Variants in BCAS3 observed in about 807,000 individuals in gnomAD.
The protein encoded by BCAS3 is BCAS3 microtubule associated cell migration factor.
In BCAS3, 53 loss-of-function variants were observed where a neutral mutation model predicts 116.1. That is an observed-to-expected ratio of 0.46 (90% CI 0.37 to 0.57). The LOEUF (loss-of-function observed/expected upper bound fraction) is 0.57, where lower values mean the gene tolerates loss of function less well. Ranked by LOEUF, BCAS3 falls within the 20% of genes least tolerant of loss-of-function variation. The pLI is 0.00. For synonymous variants in BCAS3, 391 were observed against 408.2 expected, an observed-to-expected ratio of 0.96 and a Z score of 0.51; for missense variants, 917 against 1,165.4, an observed-to-expected ratio of 0.79 and a Z score of 3.10.
chr17:61,027,422 A>G (rs1280493173), intron 16 of BCAS3: 1 of 439,244 alleles, frequency 2.3e-6, no homozygotes, highest in Admixed American at 2.5e-5. Flanking sequence ...GACAAAATAT[A>G]TATTTTACAT....
At position 61,026,392 on chromosome 17, in the gene BCAS3, C is replaced by T. The variant is rs1047201942; in HGVS notation, c.1638-8274C>T. On this transcript the variant is annotated intron_variant, in intron 16 of 23. Transcript: ENST00000407086. This position sits in a 1 kb window ranked among gnomAD's most constrained non-coding sequence, Gnocchi z 5.0. ...AATAAGCAGCTTGAAAAATATGTGC[C>T]TCTTTCTGTGGTTCTGAGACTGGAA... Among the ~76,000 whole-genome samples the T allele has an allele frequency of 1.3e-5, 2 of 152,028 alleles. No individual in the cohort carries two copies. Among genetic ancestry groups the T allele is most frequent in the Non-Finnish European group, 2.9e-5 (2 of 67,942 alleles).
At chr17:60,781,770 C>T (rs557546159) in intron 6 of BCAS3, among the ~76,000 whole-genome samples, 2 of 152,032 alleles carry the variant, frequency 1.3e-5, no homozygotes, top group African/African-American at 4.8e-5. Flanking sequence ...ATTTCTTTAC[C>T]TATTTTTCAT....
intron 4 of BCAS3, 67 bp from the exon 5 acceptor site, chr17:60,709,152 A>C: frequency 1.3e-6 from 1 of 763,518 alleles, no homozygotes. Context: ...TTAAAGAAAT[A>C]CAGTTGTTTT....
chr17:61,195,437 G>T (rs2080420148), intron 22 of BCAS3, among the ~76,000 whole-genome samples: 8 of 152,168 alleles, frequency 5.3e-5, no homozygotes. Context: ...ATGGCTCACT[G>T]CAGCCTCAAC....
chr17:60,827,298 AG>A (rs1303375198), intron 7 of BCAS3, among the ~76,000 whole-genome samples: 1 of 152,208 alleles, frequency 6.6e-6, no homozygotes, highest in Non-Finnish European at 1.5e-5. Context: ...GAAGGTATTA[AG>A]GATAGTTAGA....
rs1401217771 is a variant in BCAS3, at chr17:61,300,297, C to G, written c.2426-68030C>G. Among the ~76,000 whole-genome samples the G allele has an allele frequency of 1.3e-5, 2 of 152,080 alleles. No homozygotes were observed. Among genetic ancestry groups the G allele is most frequent in the Admixed American group, 6.5e-5 (1 of 15,268 alleles). ...TCGTAGAGCTTTGACCTTGATGAAGCACAGAGAAGTGTCTGGTCCCCATGC... is the reference window on the plus strand; with the variant it reads ...TCGTAGAGCTTTGACCTTGATGAAGGACAGAGAAGTGTCTGGTCCCCATGC... On this transcript the variant is annotated intron_variant, in intron 22 of 23. Coordinates refer to ENST00000407086, the MANE Select transcript of BCAS3 (RefSeq NM_017679.5). This position sits in a 1 kb window ranked among gnomAD's most constrained non-coding sequence, Gnocchi z 5.1.
rs1236402620 is a variant in BCAS3 at position 61,019,804 on chromosome 17, C to A, written c.1637+3903C>A. Among the ~76,000 whole-genome samples the A allele has an allele frequency of 6.6e-6, 1 of 152,092 alleles. No homozygotes were observed. Among genetic ancestry groups the A allele is most frequent in the Non-Finnish European group, 1.5e-5 (1 of 68,012 alleles). On this transcript the variant is annotated intron_variant, in intron 16 of 23. Coordinates refer to ENST00000407086, the MANE Select transcript of BCAS3 (RefSeq NM_017679.5). This position sits in a 1 kb window ranked among gnomAD's most constrained non-coding sequence, Gnocchi z 5.6. ...AATCTGATGGCTCCATTAACGTCACCAGGGTGATGAGCACATGAGAGTTTT... is the reference window on the plus strand; with the variant it reads ...AATCTGATGGCTCCATTAACGTCACAAGGGTGATGAGCACATGAGAGTTTT...
chr17:61,147,515 A>T (rs1324151438), intron 22 of BCAS3, among the ~76,000 whole-genome samples: 1 of 152,136 alleles, frequency 6.6e-6, no homozygotes, highest in East Asian at 1.9e-4. Flanking sequence ...GCACCATTGT[A>T]CCTGGGCCAA....
intron 13 of BCAS3, among the ~76,000 whole-genome samples, chr17:60,937,820 C>G (rs372656258): frequency 9.2e-5 from 14 of 152,284 alleles, no homozygotes; most frequent in African/African-American, 3.1e-4. Context: ...GCACTTCCAG[C>G]AATTATTGTC....
In BCAS3 at chr17:61,136,785, C is replaced by G. The variant is rs1432272185; in HGVS notation, c.2425+52221C>G. Among the ~76,000 whole-genome samples the G allele has an allele frequency of 6.6e-6, 1 of 152,120 alleles. No individual in the cohort carries two copies. Among genetic ancestry groups the G allele is most frequent in the Non-Finnish European group, 1.5e-5 (1 of 68,020 alleles). On this transcript the variant is annotated intron_variant, in intron 22 of 23. Transcript: ENST00000407086. The surrounding 1 kb of genome is among the most constrained non-coding windows in gnomAD (Gnocchi z 4.4). Reference sequence around the variant, plus strand: ...TGTTGCCCAGGCTGGTCTCAAATTCCTGGCCTCAAGTGATCCACCCACCTC... The same window carrying G: ...TGTTGCCCAGGCTGGTCTCAAATTCGTGGCCTCAAGTGATCCACCCACCTC...
rs1185487921 is a variant in BCAS3 at position 61,343,164 on chromosome 17, GC to G, written c.2426-25161del. On this transcript the variant is annotated intron_variant, in intron 22 of 23. Coordinates refer to ENST00000407086, the MANE Select transcript of BCAS3 (RefSeq NM_017679.5). This position sits in a 1 kb window ranked among gnomAD's most constrained non-coding sequence, Gnocchi z 5.5. ...AATTCGTGGAGGGGTGGCACCAAAT[GC>G]CTCTATCATCCCTCTCTGCCATGGC... Among the ~76,000 whole-genome samples the G allele has an allele frequency of 6.6e-6, 1 of 152,188 alleles. No individual in the cohort carries two copies. Among genetic ancestry groups the G allele is most frequent in the East Asian group, 1.9e-4 (1 of 5,200 alleles).
In BCAS3 at chr17:61,031,221, G is replaced by T. The variant is rs151184066; in HGVS notation, c.1638-3445G>T. Among the ~76,000 whole-genome samples the T allele has an allele frequency of 2.4e-3, 367 of 152,050 alleles. 2 individuals are homozygous for T. Among genetic ancestry groups the T allele is most frequent in the African/African-American group, 7.8e-3 (323 of 41,508 alleles). ...AGCATTGGAGTGCTTTCCTATGAGGGTTGGGTCAGCAATCTGTAAATTTAC... is the reference window on the plus strand; with the variant it reads ...AGCATTGGAGTGCTTTCCTATGAGGTTTGGGTCAGCAATCTGTAAATTTAC... On this transcript the variant is annotated intron_variant, in intron 16 of 23. Coordinates refer to ENST00000407086, the MANE Select transcript of BCAS3 (RefSeq NM_017679.5).
At position 61,363,130 on chromosome 17, in the gene BCAS3, G is replaced by C. The variant is rs2058541431; in HGVS notation, c.2426-5197G>C. ...CATGTGAACAGTGTAAGGCAGTACGGAAATAAGGCCACAGGAATGATCTAA... is the reference window on the plus strand; with the variant it reads ...CATGTGAACAGTGTAAGGCAGTACGCAAATAAGGCCACAGGAATGATCTAA... On this transcript the variant is annotated intron_variant, in intron 22 of 23. Coordinates refer to ENST00000407086, the MANE Select transcript of BCAS3 (RefSeq NM_017679.5). This position sits in a 1 kb window ranked among gnomAD's most constrained non-coding sequence, Gnocchi z 4.9. 6.6e-6 allele frequency among the ~76,000 whole-genome samples: 1 copy of C among 152,202 alleles called. No individual in the cohort carries two copies. The highest frequency in any genetic ancestry group is 1.5e-5 in the Non-Finnish European group (1 of 68,046).
intron 7 of BCAS3, among the ~76,000 whole-genome samples, chr17:60,808,740 A>C (rs973142832): frequency 6.6e-6 from 1 of 152,210 alleles, no homozygotes; most frequent in Non-Finnish European, 1.5e-5. Flanking sequence ...TTCCCCAGAG[A>C]CTTATGAATG....
chr17:60,991,696 G>T (rs1443446003), intron 15 of BCAS3, among the ~76,000 whole-genome samples: 1 of 152,118 alleles, frequency 6.6e-6, no homozygotes, highest in African/African-American at 2.4e-5. Context: ...TCATGATGTT[G>T]TGCCACCACA....
chr17:61,335,351 C>T (rs1358172022), intron 22 of BCAS3, among the ~76,000 whole-genome samples: 1 of 152,222 alleles, frequency 6.6e-6, no homozygotes, highest in Non-Finnish European at 1.5e-5. Context: ...TGCAGGAGCA[C>T]TTCTTCCCCT....
Position 60,993,410 on chromosome 17 carries a change from A to T in BCAS3, c.1486+3175A>T, listed in dbSNP as rs2063653168. Among the ~76,000 whole-genome samples the T allele has an allele frequency of 6.6e-6, 1 of 152,164 alleles. No homozygotes were observed. ...CAAAGAGGAGAATCCACACTGTTCG[A>T]CTATGCTGCTGTACTTAAGATTTTC... On this transcript the variant is annotated intron_variant, in intron 15 of 23. Coordinates refer to ENST00000407086, the MANE Select transcript of BCAS3 (RefSeq NM_017679.5). The surrounding 1 kb of genome is among the most constrained non-coding windows in gnomAD (Gnocchi z 4.2).
rs2079691203 is a variant in BCAS3, at chr17:61,185,112, C to G, written c.2425+100548C>G. Among the ~76,000 whole-genome samples, 3 of 151,756 alleles carry G rather than the reference C, an allele frequency of 2.0e-5. No individual in the cohort carries two copies. In the South Asian group the frequency reaches 6.2e-4, roughly 32 times the overall value. On this transcript the variant is annotated intron_variant, in intron 22 of 23. Coordinates refer to ENST00000407086, the MANE Select transcript of BCAS3 (RefSeq NM_017679.5). ...AGGGTAAATTAAAGCCCTTACAAAG[C>G]TGGTTAAAACAACAGTGACAGAAAC...
intron 22 of BCAS3, among the ~76,000 whole-genome samples, chr17:61,266,542 C>A (rs2049731566): frequency 1.3e-5 from 2 of 152,162 alleles, no homozygotes; most frequent in South Asian, 4.1e-4. Flanking sequence ...ATCTGAGAAG[C>A]TGTATCTAAG....
Sources: gnomAD v4.1 joint callset for allele counts (sites outside exome capture counted in the v4.1 genomes callset) on GRCh38, gnomAD v4.1.1 for gene constraint, Gnocchi (gnomAD v3.1) non-coding constraint, MANE v1.5 for transcripts, NCBI Gene and HGNC (gene_info 2026-07-23, HGNC 2026-07-21) for gene names.